Variants in SPACA1 observed in about 807,000 individuals in gnomAD.
The protein encoded by SPACA1 is sperm acrosome associated 1, also known as sperm acrosome membrane-associated protein 1.
A neutral mutation model predicts 32.6 loss-of-function variants in SPACA1; 17 were observed. The observed-to-expected ratio is 0.52, with a 90% CI of 0.36 to 0.78. The LOEUF (loss-of-function observed/expected upper bound fraction) is 0.78, where lower values mean the gene tolerates loss of function less well. Ranked by LOEUF, SPACA1 falls within the 30% of genes least tolerant of loss-of-function variation. The pLI is 0.01. For missense variants in SPACA1, 363 were observed against 373.4 expected (o/e 0.97, Z 0.23); for synonymous variants, 140 against 138.1 (o/e 1.01, Z -0.10).
At chr6:88,059,999 A>G (rs1775868587) in intron 5 of SPACA1, among the ~76,000 whole-genome samples, 1 of 152,176 alleles carries the variant, frequency 6.6e-6, no homozygotes, top group Non-Finnish European at 1.5e-5. Flanking sequence ...GCTTATGAAA[A>G]TTTTCATTCA....
chr6:88,066,083 A>C, intron 6 of SPACA1, 99 bp from the exon 7 acceptor site: 1 of 925,248 alleles, frequency 1.1e-6, no homozygotes, highest in Non-Finnish European at 1.5e-6. Flanking sequence ...ATACACACAC[A>C]CACATATATA....
At chr6:88,059,813 A>G (rs1672388143) in intron 5 of SPACA1, among the ~76,000 whole-genome samples, 1 of 152,186 alleles carries the variant, frequency 6.6e-6, no homozygotes, top group Non-Finnish European at 1.5e-5. Context: ...CATCATTTAG[A>G]CTTTTCTAAA....
chr6:88,051,919 C>T (rs1775733324), intron 1 of SPACA1, among the ~76,000 whole-genome samples: 1 of 152,200 alleles, frequency 6.6e-6, no homozygotes, highest in African/African-American at 2.4e-5. Context: ...GGACAGAGCC[C>T]TGTGACACAT....
intron 2 of SPACA1, 34 bp from the exon 3 acceptor site, chr6:88,057,578 C>T (rs1240481873): frequency 6.7e-7 from 1 of 1,499,570 alleles, no homozygotes; most frequent in Non-Finnish European, 9.3e-7. Flanking sequence ...CAGTTTTTTT[C>T]TTAACATTTG....
chr6:88,058,491 T>G (rs1472188583), intron 3 of SPACA1, among the ~76,000 whole-genome samples: 1 of 152,082 alleles, frequency 6.6e-6, no homozygotes, highest in African/African-American at 2.4e-5. Context: ...TTGTTTTAAT[T>G]AGCCAGGCAC....
chr6:88,062,752 C>G (rs372213915), intron 5 of SPACA1, among the ~76,000 whole-genome samples: 38 of 152,136 alleles, frequency 2.5e-4, no homozygotes, highest in South Asian at 2.1e-3. Context: ...AGTTCAAGGC[C>G]AGCCTGGGCA....
Position 88,047,867 on chromosome 6 carries a change from C to A in SPACA1, c.-39C>A. The A allele has an allele frequency of 6.7e-7, 1 of 1,490,180 alleles. No individual in the cohort carries two copies. The highest frequency in any genetic ancestry group is 8.9e-7 in the Non-Finnish European group (1 of 1,117,464). The allele number at this position is 1,490,180 out of a possible 1,614,324, so 92.3% of individuals were successfully genotyped here. A position where few individuals can be genotyped will look rare whatever the true frequency, so the allele number is the denominator to read the frequency against. On this transcript the variant is annotated 5_prime_UTR_variant, in exon 1 of 7. Transcript: ENST00000237201. ...ACGTACCTGTCCTCAGGAGCCGCGG[C>A]GGCGACTGCGCCTCGGACGGCCGTC...
At chr6:88,064,890 A>G (rs1045330599) in intron 6 of SPACA1, among the ~76,000 whole-genome samples, 1 of 148,066 alleles carries the variant, frequency 6.8e-6, no homozygotes, top group African/African-American at 2.5e-5. Context: ...TATAATATAC[A>G]TGAGTATATA....
intron 1 of SPACA1, among the ~76,000 whole-genome samples, chr6:88,050,053 A>G (rs923207029): frequency 1.6e-4 from 25 of 152,216 alleles, no homozygotes; most frequent in African/African-American, 6.0e-4. Flanking sequence ...GATTGGTCCA[A>G]TGAATTTTAC....
chr6:88,058,599 A>C, intron 3 of SPACA1, 117 bp from the exon 4 acceptor site: 1 of 661,262 alleles, frequency 1.5e-6, no homozygotes, highest in South Asian at 2.0e-5. Flanking sequence ...AGATCATGCC[A>C]CTCTACTCCA....
At chr6:88,047,664 A>G, upstream of SPACA1, 1 of 496,388 alleles carries the variant, frequency 2.0e-6, no homozygotes, top group East Asian at 3.3e-5. Flanking sequence ...GTCCTCTCCT[A>G]GGGACTTGTC....
At chr6:88,051,788 TC>T (rs1185822487) in intron 1 of SPACA1, among the ~76,000 whole-genome samples, 3 of 152,232 alleles carry the variant, frequency 2.0e-5, no homozygotes, top group Non-Finnish European at 4.4e-5. Context: ...CACCCTGTCA[TC>T]TTTTAGATCC....
intron 4 of SPACA1, 36 bp downstream of exon 4, chr6:88,058,858 G>C: frequency 7.1e-7 from 1 of 1,401,878 alleles, no homozygotes; most frequent in South Asian, 1.3e-5. Context: ...GTGCTTTCTA[G>C]TGAGTGATAA....
intron 1 of SPACA1, among the ~76,000 whole-genome samples, chr6:88,053,035 A>G (rs1775754493): frequency 6.6e-6 from 1 of 152,232 alleles, no homozygotes; most frequent in African/African-American, 2.4e-5. Flanking sequence ...TTTCACACAC[A>G]TTATCCTTAT....
rs74400758 is a variant in SPACA1, at chr6:88,063,067, G to A, written c.611-1032G>A. 8.3e-3 allele frequency among the ~76,000 whole-genome samples: 1,265 copies of A among 152,220 alleles called. 12 individuals carry two copies. The highest frequency in any genetic ancestry group is 0.024 in the African/African-American group (978 of 41,542). On this transcript the variant is annotated intron_variant, in intron 5 of 6. Coordinates refer to ENST00000237201, the MANE Select transcript of SPACA1 (RefSeq NM_030960.3). Reference sequence around the variant, plus strand: ...TTCAGCTCATTAACAAAAATCATTAGGATAATGAATAGGCAAGCCAAAATC... The same window carrying A: ...TTCAGCTCATTAACAAAAATCATTAAGATAATGAATAGGCAAGCCAAAATC...
At chr6:88,049,237 T>C (rs1775693395) in intron 1 of SPACA1, among the ~76,000 whole-genome samples, 1 of 152,224 alleles carries the variant, frequency 6.6e-6, no homozygotes, top group African/African-American at 2.4e-5. Flanking sequence ...TTTAAAGTAA[T>C]TGAATTAACA....
intron 1 of SPACA1, 122 bp from the exon 2 acceptor site, chr6:88,053,824 G>A (rs1310504111): frequency 2.8e-6 from 2 of 717,166 alleles, no homozygotes; most frequent in Admixed American, 2.7e-5. Context: ...GATTTAAATG[G>A]AAAACTTAAA....
intron 5 of SPACA1, among the ~76,000 whole-genome samples, chr6:88,061,290 A>T (rs1219919956): frequency 1.3e-5 from 2 of 152,206 alleles, no homozygotes. Context: ...ACTTTGAAGT[A>T]CTCAGAATGT....
chr6:88,066,216 T>C lies in SPACA1; in HGVS notation c.766T>C (p.Ser256Pro). 1.2e-6 allele frequency: 2 copies of C among 1,608,710 alleles called. No homozygotes were observed. The highest frequency in any genetic ancestry group is 1.7e-6 in the Non-Finnish European group (2 of 1,176,772). ...AVKAFWGAKASTPEVQSEQSS... is the reference protein window; with the variant it reads ...AVKAFWGAKAPTPEVQSEQSS... ...CAAGGCTTTCTGGGGGGCAAAAGCC[T>C]CTACACCTGAGGTACAATCCGAGCA... is the stretch of plus-strand genomic sequence containing the variant. Residue 256 changes from serine to proline, a missense_variant, in exon 7 of 7, where the codon TCT becomes CCT. Coordinates refer to ENST00000237201, the MANE Select transcript of SPACA1 (RefSeq NM_030960.3).
Sources: allele counts gnomAD v4.1 joint callset (sites outside exome capture counted in the v4.1 genomes callset), GRCh38; gene constraint gnomAD v4.1.1; transcripts MANE v1.5; gene names NCBI Gene and HGNC (gene_info 2026-07-23, HGNC 2026-07-21).